The following TBC1D22B variants were observed in gnomAD, a reference collection of about 807,000 sequenced individuals.
TBC1D22B encodes TBC1 domain family member 22B, also known as chromosome 6 open reading frame 197.
In TBC1D22B, 32 loss-of-function variants were observed where a neutral mutation model predicts 69.1. The ratio of observed to expected loss-of-function variants is 0.46; its 90% CI spans 0.35 to 0.62. TBC1D22B has a LOEUF of 0.62. Ranked by LOEUF, TBC1D22B falls within the 20% of genes least tolerant of loss-of-function variation. The pLI, the probability that TBC1D22B is intolerant of heterozygous loss-of-function variation, is 0.00. For missense variants in TBC1D22B, 462 were observed against 630.9 expected (o/e 0.73, Z 2.87); for synonymous variants, 206 against 229.8 (o/e 0.90, Z 0.94).
intron 12 of TBC1D22B, among the ~76,000 whole-genome samples, chr6:37,329,564 TTTG>T (rs944187240): frequency 6.6e-6 from 1 of 152,262 alleles, no homozygotes; most frequent in Non-Finnish European, 1.5e-5. Flanking sequence ...ATGGTATGTA[TTTG>T]TTAAGATGAT....
intron 12 of TBC1D22B, among the ~76,000 whole-genome samples, chr6:37,320,465 CTTA>C (rs1221562018): frequency 1.4e-4 from 21 of 151,988 alleles, no homozygotes; most frequent in Middle Eastern, 3.4e-3. Context: ...AAACAGTGAG[CTTA>C]TTATCATTAA....
intron 1 of TBC1D22B, among the ~76,000 whole-genome samples, chr6:37,267,447 A>AAT (rs796841147): frequency 4.2e-5 from 6 of 142,314 alleles, no homozygotes; most frequent in East Asian, 3.9e-4. Flanking sequence ...ACACATATAT[A>AAT]ATATATATAT....
chr6:37,270,702 G>A (rs1321026480), intron 2 of TBC1D22B, among the ~76,000 whole-genome samples: 1 of 152,054 alleles, frequency 6.6e-6, no homozygotes, highest in Non-Finnish European at 1.5e-5. Context: ...TCTATTTGGG[G>A]GCATGCTTAA....
Position 37,257,872 on chromosome 6 carries a change from G to A in TBC1D22B, c.-46G>A. ...TTGCGGGGTCTGGGGGCATCTCGCC[G>A]GGCAAACCCTTGGCCCGCCTACAAG... On this transcript the variant is annotated 5_prime_UTR_variant, in exon 1 of 13. Coordinates refer to ENST00000373491, the MANE Select transcript of TBC1D22B (RefSeq NM_017772.4). 6.2e-7 allele frequency: 1 copy of A among 1,601,170 alleles called. No individual in the cohort carries two copies. The highest frequency in any genetic ancestry group is 8.5e-7 in the Non-Finnish European group (1 of 1,173,670).
chr6:37,276,132 T>C (rs1257532850), intron 2 of TBC1D22B, among the ~76,000 whole-genome samples: 1 of 151,894 alleles, frequency 6.6e-6, no homozygotes, highest in Admixed American at 6.6e-5. Context: ...ACCTGGCTAA[T>C]TTTTGTATTT....
chr6:37,298,659 C>T (rs1349481088), intron 8 of TBC1D22B, among the ~76,000 whole-genome samples: 1 of 150,916 alleles, frequency 6.6e-6, no homozygotes, highest in African/African-American at 2.4e-5. Context: ...CATTCTCTTG[C>T]CTCAGCCTCC....
rs531562681 is a variant in TBC1D22B at position 37,317,846 on chromosome 6, G to A, written c.1389+640G>A. On this transcript the variant is annotated intron_variant, in intron 12 of 12. Coordinates refer to ENST00000373491, the MANE Select transcript of TBC1D22B (RefSeq NM_017772.4). Reference sequence around the variant, plus strand: ...AGTGTCTAGGCAGAGGAAACAGCCAGTGCAGGGGCCTCAGGCAGCAGCATG... The same window carrying A: ...AGTGTCTAGGCAGAGGAAACAGCCAATGCAGGGGCCTCAGGCAGCAGCATG... Among the ~76,000 whole-genome samples, 40 of 152,262 alleles carry A rather than the reference G, an allele frequency of 2.6e-4. 1 individual carries two copies. Among genetic ancestry groups the A allele is most frequent in the South Asian group, 2.1e-3 (10 of 4,824 alleles).
intron 12 of TBC1D22B, among the ~76,000 whole-genome samples, chr6:37,322,194 AG>A (rs1768271306): frequency 6.6e-6 from 1 of 152,198 alleles, no homozygotes; most frequent in African/African-American, 2.4e-5. Flanking sequence ...CATCTGGGCT[AG>A]CAATAGGAGG....
intron 10 of TBC1D22B, among the ~76,000 whole-genome samples, chr6:37,315,064 C>T (rs535394699): frequency 1.3e-5 from 2 of 152,236 alleles, no homozygotes; most frequent in East Asian, 3.9e-4. Flanking sequence ...CTGCCCTCTT[C>T]TGGGGGATAA....
Position 37,267,426 on chromosome 6 carries a change from A to T in TBC1D22B, c.57-2168A>T, listed in dbSNP as rs1766327700. Among the ~76,000 whole-genome samples the T allele has an allele frequency of 2.2e-5, 3 of 134,762 alleles. 1 individual carries two copies. The highest frequency in any genetic ancestry group is 9.8e-5 in the African/African-American group (3 of 30,762). 88.4% of individuals were successfully genotyped at this position (134,762 alleles called of 152,430 possible). A position where few individuals can be genotyped will look rare whatever the true frequency, so the allele number is the denominator to read the frequency against. ...ATATATAATATATATATACACATAT[A>T]ATATATATACACACATATATAATAT... On this transcript the variant is annotated intron_variant, in intron 1 of 12. Transcript: ENST00000373491.
chr6:37,303,683 C>T (rs896751106), intron 8 of TBC1D22B, among the ~76,000 whole-genome samples: 6 of 152,182 alleles, frequency 3.9e-5, no homozygotes, highest in South Asian at 2.1e-4. Flanking sequence ...CTCCCTGCTT[C>T]GCCCCTTAAA....
intron 12 of TBC1D22B, among the ~76,000 whole-genome samples, chr6:37,321,200 A>AT (rs35849190): frequency 0.65 from 96,309 of 149,240 alleles, 30,886 homozygotes; most frequent in East Asian, 0.8. Context: ...TCATAGCAAG[A>AT]TTTTTTTTTT....
chr6:37,319,936 G>A (rs1581632078), intron 12 of TBC1D22B, among the ~76,000 whole-genome samples: 1 of 152,230 alleles, frequency 6.6e-6, no homozygotes, highest in East Asian at 1.9e-4. Flanking sequence ...AGGGCTGCTT[G>A]TAGTGAAATC....
intron 8 of TBC1D22B, among the ~76,000 whole-genome samples, chr6:37,298,539 G>GTT (rs34996865): frequency 0.012 from 878 of 71,268 alleles, 40 homozygotes; most frequent in African/African-American, 0.034. Context: ...GTTGCCTACA[G>GTT]TTTTTTTTTT....
chr6:37,316,760 G>T lies in TBC1D22B; in HGVS notation c.1223G>T (p.Arg408Leu). Reference protein sequence around the residue: ...YEVEYLQFAFRWMNNLLMREL... With the variant: ...YEVEYLQFAFLWMNNLLMREL... ...GTAGAATACCTGCAGTTTGCCTTCC[G>T]CTGGATGAACAACCTGCTTATGCGG... The change falls in exon 11 of 13, where the codon CGC (arginine) becomes CTC (leucine). Residue 408 changes from arginine to leucine, a missense_variant. Arg to Leu is a moderately radical substitution (Grantham distance 102, BLOSUM62 -2). Around this residue, in one of 2 missense-constraint regions of TBC1D22B, gnomAD observed 225 missense variants for 375.4 expected, o/e 0.60. Transcript: ENST00000373491. 6.2e-7 allele frequency: 1 copy of T among 1,614,192 alleles called. No individual in the cohort carries two copies. Among genetic ancestry groups the T allele is most frequent in the South Asian group, 1.1e-5 (1 of 91,088 alleles).
chr6:37,267,470 A>AAT (rs1238001764), intron 1 of TBC1D22B, among the ~76,000 whole-genome samples: 18 of 86,526 alleles, frequency 2.1e-4, no homozygotes, highest in African/African-American at 6.9e-4. Flanking sequence ...ACATATATAT[A>AAT]ATATATATAC....
intron 8 of TBC1D22B, among the ~76,000 whole-genome samples, chr6:37,309,898 G>A (rs1045943962): frequency 2.7e-5 from 4 of 150,464 alleles, no homozygotes; most frequent in Non-Finnish European, 5.9e-5. Flanking sequence ...ATCCTAAGCC[G>A]GGTTTTACAG....
At chr6:37,276,383 G>T (rs777459014) in intron 2 of TBC1D22B, among the ~76,000 whole-genome samples, 29 of 152,168 alleles carry the variant, frequency 1.9e-4, no homozygotes, top group Non-Finnish European at 3.8e-4. Flanking sequence ...GGACAGAGCT[G>T]ACTTTTAAAT....
rs76011797 is a variant in TBC1D22B at position 37,327,371 on chromosome 6, G to A, written c.1390-3673G>A. On this transcript the variant is annotated intron_variant, in intron 12 of 12. Transcript: ENST00000373491. The stretch of plus-strand genomic sequence containing the variant: ...TGGGCGCCTGTAGTCCCAGCTGCTC[G>A]GGAGGCTGAGGCAGGAGAATGGCGT... Among the ~76,000 whole-genome samples, 1,308 of 131,292 alleles carry A rather than the reference G, an allele frequency of 1.0e-2. 125 individuals are homozygous for A. The East Asian group carries it at 0.14, about 14-fold the overall frequency. The allele number at this position is 131,292 out of a possible 152,430, so 86.1% of individuals were successfully genotyped here. A position where few individuals can be genotyped will look rare whatever the true frequency, so the allele number is the denominator to read the frequency against.
Sources: allele counts gnomAD v4.1 joint callset (sites outside exome capture counted in the v4.1 genomes callset), GRCh38; gene constraint gnomAD v4.1.1; regional missense constraint gnomAD v4.1.1; transcripts MANE v1.5; gene names NCBI Gene and HGNC (gene_info 2026-07-23, HGNC 2026-07-21).